Variants in FEZ2 observed in about 807,000 individuals in gnomAD.
The protein encoded by FEZ2 is fasciculation and elongation protein zeta 2.
In FEZ2, 51 loss-of-function variants were observed where a neutral mutation model predicts 40.4. The ratio of observed to expected loss-of-function variants is 1.26; its 90% CI spans 1.01 to 1.59. The LOEUF is 1.59. FEZ2 is among the 40% of genes most tolerant of loss of function. FEZ2 has a pLI of 0.00. For missense variants in FEZ2, 640 were observed against 438.3 expected (o/e 1.46, Z -4.11); for synonymous variants, 242 against 172.0 (o/e 1.41, Z -3.18).
chr2:36,579,522 C>A (rs1219355081), intron 4 of FEZ2, among the ~76,000 whole-genome samples: 1 of 151,952 alleles, frequency 6.6e-6, no homozygotes, highest in Non-Finnish European at 1.5e-5. Context: ...TCTTATGAGA[C>A]CTGGTTGTTT....
chr2:36,567,560 G>A (rs997930121), intron 5 of FEZ2, among the ~76,000 whole-genome samples: 6 of 151,996 alleles, frequency 3.9e-5, no homozygotes, highest in Admixed American at 6.5e-5. Context: ...TCAGGAGTTC[G>A]AGACCAGCCT....
chr2:36,578,015 A>C (rs1014718296), intron 5 of FEZ2, among the ~76,000 whole-genome samples: 1 of 152,268 alleles, frequency 6.6e-6, no homozygotes, highest in Non-Finnish European at 1.5e-5. Context: ...TCAGCGTTTC[A>C]GATGTTCTAA....
intron 7 of FEZ2, chr2:36,554,050 G>A: frequency 6.0e-6 from 2 of 334,200 alleles, no homozygotes; most frequent in Non-Finnish European, 1.2e-5. Flanking sequence ...CTCCACTGTA[G>A]TCTAAATCCT....
intron 1 of FEZ2, among the ~76,000 whole-genome samples, 194 bp downstream of exon 1, chr2:36,597,683 G>T (rs1573038875): frequency 6.6e-6 from 1 of 152,220 alleles, no homozygotes; most frequent in South Asian, 2.1e-4. Context: ...TTCAGGGCTC[G>T]TGGCGGCGGG....
rs1170171376 is a variant in FEZ2 at position 36,597,965 on chromosome 2, G to T, written c.178C>A (p.Leu60Met). ...CCCGGATCCGAGGGGCGGAAGCACA[G>T]GCTCAGCTTCTCCTCCAAGCTGCAG... is the stretch of plus-strand genomic sequence containing the variant. Reference protein sequence around the residue: ...PACSLEEKLSLCFRPSDPGAE... With the variant: ...PACSLEEKLSMCFRPSDPGAE... Residue 60 changes from leucine (L) to methionine (M), a missense_variant, in exon 1 of 8, where the codon CTG becomes ATG. Leu to Met is a conservative substitution (Grantham distance 15). Coordinates refer to ENST00000405912, the MANE Select transcript of FEZ2 (RefSeq NM_005102.3). 6.1e-6 allele frequency: 9 copies of T among 1,481,496 alleles called. No individual in the cohort carries two copies. Among genetic ancestry groups the T allele is most frequent in the Non-Finnish European group, 8.0e-6 (9 of 1,122,274 alleles). The allele number at this position is 1,481,496 out of a possible 1,614,324, so 91.8% of individuals were successfully genotyped here.
rs767643545 is a variant in FEZ2 at position 36,555,672 on chromosome 2, A to G, written c.1045+11T>C. 3 of 1,553,278 alleles carry G rather than the reference A, an allele frequency of 1.9e-6. No homozygotes were observed. The highest frequency in any genetic ancestry group is 2.3e-5 in the East Asian group (1 of 44,352). Reference sequence around the variant, plus strand: ...TCCCAGCCATCGCACCTATACCATTATAAAACTCACCTTTCAGAATATAAT... The same window carrying G: ...TCCCAGCCATCGCACCTATACCATTGTAAAACTCACCTTTCAGAATATAAT... On this transcript the variant is annotated intron_variant, in intron 7 of 7. Transcript: ENST00000405912.
intron 7 of FEZ2, among the ~76,000 whole-genome samples, chr2:36,553,693 T>C (rs779017219): frequency 6.6e-6 from 1 of 152,126 alleles, no homozygotes; most frequent in Non-Finnish European, 1.5e-5. Flanking sequence ...CCTACTCCCT[T>C]TTCTCAGGCC....
chr2:36,554,880 G>A (rs72789254), intron 7 of FEZ2, among the ~76,000 whole-genome samples: 1,978 of 152,294 alleles, frequency 0.013, 20 homozygotes, highest in Non-Finnish European at 0.017. Flanking sequence ...ACCCAGAGAA[G>A]AAGACTGTTA....
chr2:36,590,317 T>A (rs1294225306), intron 2 of FEZ2: 1 of 151,992 alleles, frequency 6.6e-6, no homozygotes, highest in African/African-American at 2.4e-5. Flanking sequence ...ATACTCTCAG[T>A]ATATTAAACC....
intron 2 of FEZ2, chr2:36,589,695 C>G (rs1208689513): frequency 6.6e-6 from 1 of 152,204 alleles, no homozygotes; most frequent in Non-Finnish European, 1.5e-5. Flanking sequence ...ATGACTGGCA[C>G]AGTCAGGAAG....
chr2:36,553,713 C>T (rs1482469115), intron 7 of FEZ2, among the ~76,000 whole-genome samples: 1 of 152,122 alleles, frequency 6.6e-6, no homozygotes, highest in Non-Finnish European at 1.5e-5. Context: ...CAAATGAGAC[C>T]ACTTTTCTAC....
At chr2:36,579,993 G>C (rs1031245047) in intron 4 of FEZ2, among the ~76,000 whole-genome samples, 1 of 152,100 alleles carries the variant, frequency 6.6e-6, no homozygotes, top group African/African-American at 2.4e-5. Flanking sequence ...GACACAGTAG[G>C]AAGACCACGT....
intron 5 of FEZ2, among the ~76,000 whole-genome samples, chr2:36,562,972 T>C (rs1573003466): frequency 6.6e-6 from 1 of 152,196 alleles, no homozygotes; most frequent in South Asian, 2.1e-4. Flanking sequence ...AGTTTCAGAA[T>C]CCACCTATCA....
chr2:36,570,341 TATA>T (rs1668373309), intron 5 of FEZ2, among the ~76,000 whole-genome samples: 1 of 152,212 alleles, frequency 6.6e-6, no homozygotes, highest in East Asian at 1.9e-4. Flanking sequence ...GCAGAAAAAA[TATA>T]ATACAAAGAT....
intron 1 of FEZ2, 28 bp downstream of exon 1, chr2:36,597,849 C>T: frequency 3.0e-6 from 4 of 1,328,932 alleles, no homozygotes; most frequent in Non-Finnish European, 3.8e-6. Context: ...AGGCTCCCGC[C>T]CACTCCCGGC....
intron 1 of FEZ2, among the ~76,000 whole-genome samples, 171 bp downstream of exon 1, chr2:36,597,706 T>C (rs908873288): frequency 4.6e-5 from 7 of 152,230 alleles, no homozygotes; most frequent in African/African-American, 1.4e-4. Context: ...GCAGGGGATT[T>C]AAATTGCTGG....
intron 5 of FEZ2, among the ~76,000 whole-genome samples, chr2:36,568,026 A>G (rs1343172277): frequency 6.6e-6 from 1 of 152,248 alleles, no homozygotes; most frequent in East Asian, 1.9e-4. Context: ...ACTTTTTAGT[A>G]AACGTCACCT....
chr2:36,580,302 C>A (rs929898123), intron 4 of FEZ2, among the ~76,000 whole-genome samples: 1 of 152,182 alleles, frequency 6.6e-6, no homozygotes, highest in African/African-American at 2.4e-5. Context: ...TTTGGTCTGT[C>A]TGACCATCTG....
chr2:36,586,831 A>G (rs565449169), intron 2 of FEZ2, among the ~76,000 whole-genome samples: 1 of 152,232 alleles, frequency 6.6e-6, no homozygotes, highest in African/African-American at 2.4e-5. Flanking sequence ...TGTGTAGTCT[A>G]GCTACTCAGG....
Sources: gnomAD v4.1 joint callset for allele counts (sites outside exome capture counted in the v4.1 genomes callset) on GRCh38, gnomAD v4.1.1 for gene constraint, MANE v1.5 for transcripts, NCBI Gene and HGNC (gene_info 2026-07-23, HGNC 2026-07-21) for gene names.